Variants in MGAT4C observed in about 807,000 individuals in gnomAD.
MGAT4C encodes the protein MGAT4 family member C.
MGAT4C carries 19 observed loss-of-function variants against 40.1 expected under a neutral mutation model. That is an observed-to-expected ratio of 0.47 (90% CI 0.33 to 0.70). The LOEUF (loss-of-function observed/expected upper bound fraction) is 0.70, where lower values mean the gene tolerates loss of function less well. Among genes scored for constraint, MGAT4C ranks in the 30% least tolerant of loss-of-function variants. The pLI is 0.02. For synonymous variants in MGAT4C, 181 were observed against 187.1 expected, an observed-to-expected ratio of 0.97 and a Z score of 0.27; for missense variants, 491 against 563.2, an observed-to-expected ratio of 0.87 and a Z score of 1.30.
At chr12:86,006,111 A>T (rs2136794750) in intron 2 of MGAT4C, among the ~76,000 whole-genome samples, 1 of 152,278 alleles carries the variant, frequency 6.6e-6, no homozygotes, top group Middle Eastern at 3.4e-3. Flanking sequence ...AAATCACTGT[A>T]ACAGATTATG....
intron 1 of MGAT4C, among the ~76,000 whole-genome samples, chr12:86,064,775 G>T (rs1894364294): frequency 6.6e-6 from 1 of 152,092 alleles, no homozygotes; most frequent in Non-Finnish European, 1.5e-5. Context: ...AAATCCAGGA[G>T]CTGGTTTTTT....
At chr12:86,454,854 T>C (rs1361648097) in intron 2 of MGAT4C, among the ~76,000 whole-genome samples, 1 of 152,158 alleles carries the variant, frequency 6.6e-6, no homozygotes, top group Non-Finnish European at 1.5e-5. Flanking sequence ...AGGTCCAAAA[T>C]TGAGATATTT....
chr12:86,517,806 C>T (rs571902725), intron 2 of MGAT4C, among the ~76,000 whole-genome samples: 3 of 152,176 alleles, frequency 2.0e-5, no homozygotes, highest in East Asian at 3.9e-4. Flanking sequence ...CCACCACGCC[C>T]GGCTAATTTT....
At chr12:86,114,932 T>A (rs1878138917) in intron 1 of MGAT4C, among the ~76,000 whole-genome samples, 1 of 151,982 alleles carries the variant, frequency 6.6e-6, no homozygotes, top group Admixed American at 6.6e-5. Flanking sequence ...CCAGGCATTA[T>A]AAATCATCTT....
intron 2 of MGAT4C, among the ~76,000 whole-genome samples, chr12:86,570,926 G>A (rs1960337528): frequency 6.6e-6 from 1 of 152,050 alleles, no homozygotes; most frequent in South Asian, 2.1e-4. Context: ...CGATTCTCAT[G>A]CCTCAAACTC....
At chr12:86,296,455 C>T (rs1043253117) in intron 4 of MGAT4C, among the ~76,000 whole-genome samples, 3 of 152,318 alleles carry the variant, frequency 2.0e-5, no homozygotes, top group African/African-American at 4.8e-5. Flanking sequence ...GAGCAGGGGG[C>T]GGCATTCGTC....
chr12:86,583,516 T>A (rs1391058018), intron 2 of MGAT4C, among the ~76,000 whole-genome samples: 1 of 151,296 alleles, frequency 6.6e-6, no homozygotes, highest in African/African-American at 2.4e-5. Context: ...TTTATCAGGG[T>A]CAACACATCT....
chr12:86,017,435 T>C (rs1889208387), intron 2 of MGAT4C, among the ~76,000 whole-genome samples: 1 of 152,180 alleles, frequency 6.6e-6, no homozygotes, highest in African/African-American at 2.4e-5. Context: ...GAAGGAACCA[T>C]ACATTTCTCT....
chr12:86,339,050 T>C (rs1195528734), intron 3 of MGAT4C, among the ~76,000 whole-genome samples: 4 of 151,864 alleles, frequency 2.6e-5, no homozygotes, highest in Non-Finnish European at 1.5e-5. Flanking sequence ...TGCTTTATGC[T>C]GATAACATGC....
intron 1 of MGAT4C, among the ~76,000 whole-genome samples, chr12:86,131,333 T>C (rs1881147024): frequency 6.6e-6 from 1 of 152,214 alleles, no homozygotes; most frequent in African/African-American, 2.4e-5. Flanking sequence ...ATGACCCTTA[T>C]CTTTCTGTCC....
intron 1 of MGAT4C, among the ~76,000 whole-genome samples, chr12:86,178,183 G>A (rs183419528): frequency 7.3e-4 from 111 of 152,212 alleles, no homozygotes; most frequent in East Asian, 1.9e-3. Context: ...TGATCCGCCC[G>A]CCTTGGCCTC....
chr12:86,326,223 A>G (rs1954523253), intron 4 of MGAT4C, among the ~76,000 whole-genome samples: 1 of 151,942 alleles, frequency 6.6e-6, no homozygotes, highest in Admixed American at 6.6e-5. Flanking sequence ...TCTAATGTAC[A>G]GCTTGGTGAC....
At chr12:86,082,538 CCA>C (rs372367397) in intron 1 of MGAT4C, among the ~76,000 whole-genome samples, 529 of 152,186 alleles carry the variant, frequency 3.5e-3, no homozygotes, top group African/African-American at 0.012. Context: ...CACAGATCAA[CCA>C]CAATTTAGCC....
At chr12:86,827,334 T>C (rs1359137818) in intron 1 of MGAT4C, among the ~76,000 whole-genome samples, 1 of 151,422 alleles carries the variant, frequency 6.6e-6, no homozygotes, top group Non-Finnish European at 1.5e-5. Flanking sequence ...AATGGAAAAA[T>C]ATTAGTATTC....
At chr12:86,821,115 T>G (rs1952697713) in intron 1 of MGAT4C, among the ~76,000 whole-genome samples, 1 of 150,914 alleles carries the variant, frequency 6.6e-6, no homozygotes, top group Non-Finnish European at 1.5e-5. Flanking sequence ...TTACTTTTAT[T>G]TAGCTTAGTC....
In MGAT4C at chr12:86,323,541, GTTAAT is replaced by G. The variant is rs145092830; in HGVS notation, c.-57+10519_-57+10523del. 8.1e-3 allele frequency among the ~76,000 whole-genome samples: 1,234 copies of G among 151,806 alleles called. 24 individuals carry two copies. Among genetic ancestry groups the G allele is most frequent in the African/African-American group, 0.028 (1,182 of 41,490 alleles). On this transcript the variant is annotated intron_variant, in intron 4 of 7. Coordinates refer to the MGAT4C transcript ENST00000548651. ...AAGTATGTAAAAAGATAATAATACA[GTTAAT>G]TTAATTTAAGGAAAATATAATATCC... is the stretch of plus-strand genomic sequence containing the variant.
rs145791456 is a variant in MGAT4C, at chr12:86,119,773, C to T, written c.-56-70050G>A. Among the ~76,000 whole-genome samples, 1,474 of 148,402 alleles carry T rather than the reference C, an allele frequency of 9.9e-3. 8 individuals are homozygous for T. Among genetic ancestry groups the T allele is most frequent in the Non-Finnish European group, 0.016 (1,073 of 67,404 alleles). ...AAATAGGAGTCTTGCTATATTGCCA[C>T]GGCTGAACTCAAACTCCTAAGTTTA... On this transcript the variant is annotated intron_variant, in intron 1 of 4. Coordinates refer to ENST00000611864, the MANE Select transcript of MGAT4C (RefSeq NM_001351288.2).
At chr12:86,623,973 T>C (rs547419257) in intron 2 of MGAT4C, among the ~76,000 whole-genome samples, 1 of 152,290 alleles carries the variant, frequency 6.6e-6, no homozygotes, top group South Asian at 2.1e-4. Flanking sequence ...TCTACTAAAA[T>C]TCTTGTCACC....
At chr12:86,686,578 A>G (rs1950076523) in intron 2 of MGAT4C, among the ~76,000 whole-genome samples, 1 of 152,202 alleles carries the variant, frequency 6.6e-6, no homozygotes, top group East Asian at 1.9e-4. Context: ...CCTTTTCTGC[A>G]TCTATTGAGA....
Sources: gnomAD v4.1 joint callset for allele counts (sites outside exome capture counted in the v4.1 genomes callset) on GRCh38, gnomAD v4.1.1 for gene constraint, MANE v1.5 for transcripts, NCBI Gene and HGNC (gene_info 2026-07-23, HGNC 2026-07-21) for gene names.